The following TMPRSS11A variants were observed in gnomAD, a reference collection of about 807,000 sequenced individuals.
The protein encoded by TMPRSS11A is transmembrane protease serine 11A.
A neutral mutation model predicts 58.9 loss-of-function variants in TMPRSS11A; 53 were observed. That is an observed-to-expected ratio of 0.90 (90% CI 0.72 to 1.13). The LOEUF (loss-of-function observed/expected upper bound fraction) is 1.13. Among genes scored for constraint, TMPRSS11A ranks in the 50% most tolerant of loss-of-function variants. The pLI, the probability that TMPRSS11A is intolerant of heterozygous loss-of-function variation, is 0.00. For synonymous variants in TMPRSS11A, 167 were observed against 169.8 expected (o/e 0.98, Z 0.13); for missense variants, 493 against 499.3 (o/e 0.99, Z 0.12).
chr4:67,957,269 G>C (rs146332241), intron 1 of TMPRSS11A, among the ~76,000 whole-genome samples: 1 of 152,182 alleles, frequency 6.6e-6, no homozygotes, highest in African/African-American at 2.4e-5. Flanking sequence ...AATATGCAGA[G>C]GTTGGAACAG....
intron 1 of TMPRSS11A, among the ~76,000 whole-genome samples, chr4:67,962,440 T>A (rs1029803121): frequency 6.6e-6 from 1 of 151,400 alleles, no homozygotes; most frequent in African/African-American, 2.4e-5. Flanking sequence ...CTCCAAGGAG[T>A]TGAGGACTGC....
Position 67,922,926 on chromosome 4 carries a change from C to T in TMPRSS11A, c.521G>A (p.Ser174Asn). The T allele has an allele frequency of 6.2e-7, 1 of 1,613,018 alleles. No individual in the cohort carries two copies. The change falls in exon 7 of 10, where the codon AGT becomes AAT. Residue 174 changes from serine to asparagine, a missense_variant and splice_region_variant. Physicochemically the swap from Ser to Asn is conservative, Grantham distance 46 (BLOSUM62 1). Coordinates refer to ENST00000508048, the MANE Select transcript of TMPRSS11A (RefSeq NM_001114387.2). ...TAATGGAACAACTCGTTTACCACAACCTGAAAAAAGATGAGATCATTAAGT... is the reference window on the plus strand; with the variant it reads ...TAATGGAACAACTCGTTTACCACAATCTGAAAAAAGATGAGATCATTAAGT... ...SSTGELTVQA[S>N]CGKRVVPLNV...
chr4:67,936,413 C>G (rs1196897126), intron 3 of TMPRSS11A, among the ~76,000 whole-genome samples: 1 of 151,226 alleles, frequency 6.6e-6, no homozygotes, highest in Non-Finnish European at 1.5e-5. Flanking sequence ...AACCTGAGCA[C>G]TGAGTGATGC....
rs565853960 is a variant in TMPRSS11A, at chr4:67,909,854, C to G, written c.*1488G>C. 5.3e-5 allele frequency: 8 copies of G among 152,146 alleles called. No homozygotes were observed. In the East Asian group the frequency reaches 9.6e-4, roughly 18 times the overall value. The allele number at this position is 152,146 out of a possible 1,614,324, so 9.4% of individuals were successfully genotyped here. The stretch of plus-strand genomic sequence containing the variant: ...TATGTGACATGCAATCTCTTCTCAG[C>G]TTTAAAATTCTATGAGTCTAAATTA... On this transcript the variant is annotated 3_prime_UTR_variant, in exon 10 of 10. Coordinates refer to ENST00000508048, the MANE Select transcript of TMPRSS11A (RefSeq NM_001114387.2).
intron 1 of TMPRSS11A, 103 bp downstream of exon 1, chr4:67,963,280 T>G: frequency 1.8e-6 from 2 of 1,132,172 alleles, no homozygotes; most frequent in South Asian, 2.8e-5. Flanking sequence ...GCAGATTGAA[T>G]CCACCAAAGA....
chr4:67,928,649 G>T (rs767944615), intron 5 of TMPRSS11A, among the ~76,000 whole-genome samples: 4 of 152,322 alleles, frequency 2.6e-5, no homozygotes, highest in South Asian at 2.1e-4. Context: ...CACTTGTCAG[G>T]TTCCTCCCTT....
intron 1 of TMPRSS11A, among the ~76,000 whole-genome samples, chr4:67,947,574 A>G (rs1262214187): frequency 3.3e-5 from 5 of 152,182 alleles, no homozygotes; most frequent in African/African-American, 1.2e-4. Flanking sequence ...AGTCTTGATT[A>G]GATTTTGGTT....
At chr4:67,922,719 G>A (rs781400255) in intron 7 of TMPRSS11A, 36 bp downstream of exon 7, 10 of 1,572,518 alleles carry the variant, frequency 6.4e-6, no homozygotes, top group Non-Finnish European at 8.7e-6. Flanking sequence ...GGGCTTTTTA[G>A]CAGAAGTGGG....
intron 3 of TMPRSS11A, among the ~76,000 whole-genome samples, chr4:67,938,596 G>T (rs1181161322): frequency 1.3e-5 from 2 of 152,070 alleles, no homozygotes; most frequent in Non-Finnish European, 2.9e-5. Flanking sequence ...TGTATTTAGT[G>T]ATAGGAGTCC....
intron 1 of TMPRSS11A, among the ~76,000 whole-genome samples, chr4:67,961,839 G>A (rs79393910): frequency 0.085 from 12,883 of 151,984 alleles, 841 homozygotes; most frequent in African/African-American, 0.18. Flanking sequence ...AGGTGTCACT[G>A]ATGTCTGGAA....
At chr4:67,942,895 A>C (rs917842088) in intron 3 of TMPRSS11A, among the ~76,000 whole-genome samples, 1 of 152,208 alleles carries the variant, frequency 6.6e-6, no homozygotes, top group South Asian at 2.1e-4. Context: ...AAAAGTTCTC[A>C]GTAAAAAGAG....
chr4:67,913,206 T>C (rs553607948), intron 9 of TMPRSS11A, among the ~76,000 whole-genome samples: 8 of 152,256 alleles, frequency 5.3e-5, no homozygotes, highest in African/African-American at 1.9e-4. Context: ...CAAGAGTTCA[T>C]AGGTTGGGGA....
At chr4:67,930,829 T>TATA (rs1553922588) in intron 4 of TMPRSS11A, among the ~76,000 whole-genome samples, 1 of 90,156 alleles carries the variant, frequency 1.1e-5, no homozygotes, top group African/African-American at 4.7e-5. Context: ...TTTTTTTTTT[T>TATA]ACAAAAAAAA....
At chr4:67,926,653 C>T (rs1450904158) in intron 5 of TMPRSS11A, among the ~76,000 whole-genome samples, 1 of 152,210 alleles carries the variant, frequency 6.6e-6, no homozygotes, top group Non-Finnish European at 1.5e-5. Context: ...TGACCATGGC[C>T]ACTGCAGGGA....
In TMPRSS11A at chr4:67,911,430, C is replaced by T. The variant is rs1248646800; in HGVS notation, c.1169G>A (p.Gly390Glu). The stretch of plus-strand genomic sequence containing the variant: ...CTTGTCCTTTTGACCACAGTTATCT[C>T]CCCAGCTTACAATTCCAATGAGATA... ...TWYLIGIVSWGDNCGQKDKPG... is the reference protein window; with the variant it reads ...TWYLIGIVSWEDNCGQKDKPG... Residue 390 changes from glycine to glutamate, a missense_variant, in exon 10 of 10, where the codon GGA becomes GAA. Coordinates refer to ENST00000508048, the MANE Select transcript of TMPRSS11A (RefSeq NM_001114387.2). 5 of 1,613,550 alleles carry T rather than the reference C, an allele frequency of 3.1e-6. No homozygotes were observed.
At chr4:67,953,704 A>C (rs1258443621) in intron 1 of TMPRSS11A, among the ~76,000 whole-genome samples, 1 of 152,170 alleles carries the variant, frequency 6.6e-6, no homozygotes, top group Non-Finnish European at 1.5e-5. Flanking sequence ...AGGCTGAGGC[A>C]GGAGAATTGC....
intron 2 of TMPRSS11A, 105 bp from the exon 3 acceptor site, chr4:67,944,742 T>C (rs1720961849): frequency 1.3e-5 from 11 of 857,728 alleles, no homozygotes; most frequent in Non-Finnish European, 2.0e-5. Context: ...CTGAGCCTCT[T>C]CATAATTGAG....
chr4:67,944,542 A>G lies in TMPRSS11A; in HGVS notation c.229T>C (p.Leu77=), dbSNP rs199656495. The G allele has an allele frequency of 6.2e-7, 1 of 1,611,020 alleles. No individual in the cohort carries two copies. The highest frequency in any genetic ancestry group is 8.5e-7 in the Non-Finnish European group (1 of 1,178,720). The change falls in exon 3 of 10, where the codon TTA becomes CTA. Residue 77 remains leucine, a synonymous_variant. Transcript: ENST00000508048. ...GQSNTYQLKD[L]RETTENLVDE... Reference sequence around the variant, plus strand: ...ACCAAATTTTCGGTCGTCTCTCGTAAGTCCTTAAGTTGATATGTGTTGCTT... The same window carrying G: ...ACCAAATTTTCGGTCGTCTCTCGTAGGTCCTTAAGTTGATATGTGTTGCTT...
At chr4:67,914,438 A>G (rs1306940859) in intron 9 of TMPRSS11A, 150 bp downstream of exon 9, 2 of 631,006 alleles carry the variant, frequency 3.2e-6, no homozygotes, top group Non-Finnish European at 5.4e-6. Context: ...TAAAACATTT[A>G]AAAGTATTTT....
Sources: allele counts gnomAD v4.1 joint callset (sites outside exome capture counted in the v4.1 genomes callset), GRCh38; gene constraint gnomAD v4.1.1; transcripts MANE v1.5; gene names NCBI Gene and HGNC (gene_info 2026-07-23, HGNC 2026-07-21).